Variants in SYNPO2 observed in about 807,000 individuals in gnomAD.
The protein encoded by SYNPO2 is synaptopodin-2.
In SYNPO2, 56 loss-of-function variants were observed where a neutral mutation model predicts 85.0. The observed-to-expected ratio is 0.66, with a 90% CI of 0.53 to 0.82. The LOEUF (loss-of-function observed/expected upper bound fraction) is 0.82. Among genes scored for constraint, SYNPO2 ranks in the 40% least tolerant of loss-of-function variants. SYNPO2 has a pLI of 0.00. For missense variants in SYNPO2, 1,575 were observed against 1,534.2 expected (o/e 1.03, Z -0.44); for synonymous variants, 602 against 591.1 (o/e 1.02, Z -0.27).
intron 1 of SYNPO2, among the ~76,000 whole-genome samples, chr4:118,956,099 G>A (rs565720958): frequency 1.3e-5 from 2 of 152,240 alleles, no homozygotes; most frequent in East Asian, 3.9e-4. Flanking sequence ...CAGTTAGATG[G>A]AATCCAAAGA....
At position 118,907,531 on chromosome 4, in the gene SYNPO2, T is replaced by C. The variant is rs562493707; in HGVS notation, c.105+18390T>C. On this transcript the variant is annotated intron_variant, in intron 1 of 4. Transcript: ENST00000307142. ...TCCTTAAACCGCTCATTTGGGTAAA[T>C]ATGTCAAAGAGAAAAAGGAGTCATT... is the stretch of plus-strand genomic sequence containing the variant. Among the ~76,000 whole-genome samples, 224 of 152,318 alleles carry C rather than the reference T, an allele frequency of 1.5e-3. 1 individual carries two copies. Among genetic ancestry groups the C allele is most frequent in the African/African-American group, 5.2e-3 (218 of 41,572 alleles).
At chr4:119,053,294 A>T (rs1364905958) in intron 4 of SYNPO2, among the ~76,000 whole-genome samples, 1 of 152,226 alleles carries the variant, frequency 6.6e-6, no homozygotes, top group Non-Finnish European at 1.5e-5. Flanking sequence ...AGAGGCTTGC[A>T]ATATTTTGGA....
intron 1 of SYNPO2, among the ~76,000 whole-genome samples, chr4:118,985,191 G>A (rs1285533811): frequency 1.5e-4 from 6 of 40,450 alleles, no homozygotes; most frequent in Admixed American, 1.3e-3. Context: ...GATGTAGCAG[G>A]GTTTGGGGGA....
intron 1 of SYNPO2, among the ~76,000 whole-genome samples, chr4:118,864,254 G>A (rs558616066): frequency 1.3e-5 from 2 of 152,194 alleles, no homozygotes; most frequent in African/African-American, 4.8e-5. Context: ...CCATGTGTTT[G>A]TACAGTTTCT....
At chr4:118,977,422 A>G (rs1004286376) in intron 1 of SYNPO2, among the ~76,000 whole-genome samples, 8 of 152,288 alleles carry the variant, frequency 5.3e-5, no homozygotes, top group Middle Eastern at 6.8e-3. Context: ...GTTCCCGCTC[A>G]CGCCTCTCCC....
At chr4:118,902,459 C>T (rs1002368276) in intron 1 of SYNPO2, among the ~76,000 whole-genome samples, 1 of 152,120 alleles carries the variant, frequency 6.6e-6, no homozygotes, top group African/African-American at 2.4e-5. Context: ...AAAGGGGTTT[C>T]CCCTTATAAA....
rs770223146 is a variant in SYNPO2, at chr4:119,027,031, C to A, written c.662C>A (p.Ala221Asp). 6.2e-7 allele frequency: 1 copy of A among 1,614,098 alleles called. No individual in the cohort carries two copies. Among genetic ancestry groups the A allele is most frequent in the Admixed American group, 1.7e-5 (1 of 60,020 alleles). Residue 221 changes from alanine to aspartate, a missense_variant, in exon 3 of 5, where the codon GCT (alanine) becomes GAT (aspartate). By Grantham distance (126) the Ala-to-Asp change is moderately radical (BLOSUM62 -2). Around this residue, in one of 3 missense-constraint regions of SYNPO2, gnomAD observed 1,508 missense variants for 1,446.8 expected, o/e 1.04. Transcript: ENST00000307142. ...GGCCCTTTAGTGGCTCTCCCGGGAG[C>A]TGAAAAATCTAAGTCTCCTGACCCA... ...ASGPLVALPG[A>D]EKSKSPDPDP...
intron 1 of SYNPO2, among the ~76,000 whole-genome samples, chr4:118,856,464 T>C (rs1341558525): frequency 6.6e-6 from 1 of 152,222 alleles, no homozygotes; most frequent in Non-Finnish European, 1.5e-5. Context: ...TATAGTGGAA[T>C]GCACATAAAT....
At chr4:118,900,701 C>CTATATA (rs1194269230) in intron 1 of SYNPO2, among the ~76,000 whole-genome samples, 293 of 27,162 alleles carry the variant, frequency 0.011, 1 homozygote, top group Non-Finnish European at 0.019. Context: ...CTCTCTCTCT[C>CTATATA]TCTATATATA....
intron 1 of SYNPO2, among the ~76,000 whole-genome samples, chr4:118,892,779 A>G (rs1732420484): frequency 6.6e-6 from 1 of 152,176 alleles, no homozygotes; most frequent in South Asian, 2.1e-4. Context: ...TACTGAATTT[A>G]GTTCAAAGTT....
At chr4:119,004,359 A>C (rs944108783) in intron 1 of SYNPO2, among the ~76,000 whole-genome samples, 1 of 150,816 alleles carries the variant, frequency 6.6e-6, no homozygotes. Flanking sequence ...TATATCTCCT[A>C]ATGCTATCCC....
At chr4:118,917,680 A>G (rs1733397577) in intron 1 of SYNPO2, among the ~76,000 whole-genome samples, 1 of 152,106 alleles carries the variant, frequency 6.6e-6, no homozygotes, top group South Asian at 2.1e-4. Context: ...GTCCCTTATT[A>G]TATGTGACTT....
chr4:118,976,999 C>G (rs1242553462), intron 1 of SYNPO2, among the ~76,000 whole-genome samples: 1 of 152,248 alleles, frequency 6.6e-6, no homozygotes, highest in Non-Finnish European at 1.5e-5. Context: ...TAGAGGATCC[C>G]GCACCGGGGC....
intron 1 of SYNPO2, among the ~76,000 whole-genome samples, chr4:118,979,958 T>C (rs1262301453): frequency 1.3e-5 from 2 of 152,238 alleles, no homozygotes; most frequent in Non-Finnish European, 2.9e-5. Context: ...GAAAGGAGAC[T>C]GGATCTCAAC....
chr4:119,027,219 G>T lies in SYNPO2; in HGVS notation c.850G>T (p.Val284Leu). The T allele has an allele frequency of 6.2e-7, 1 of 1,614,178 alleles. No individual in the cohort carries two copies. The highest frequency in any genetic ancestry group is 2.2e-5 in the East Asian group (1 of 44,864). ...SEAGDAGLPRVEVILDCSDRQ... is the reference protein window; with the variant it reads ...SEAGDAGLPRLEVILDCSDRQ... ...AGCAGGAGATGCGGGACTGCCCCGG[G>T]TGGAAGTGATCCTCGACTGCTCTGA... The change falls in exon 3 of 5, where the codon GTG becomes TTG. Residue 284 changes from valine (V) to leucine (L), a missense_variant. Coordinates refer to ENST00000307142, the MANE Select transcript of SYNPO2 (RefSeq NM_133477.3).
intron 1 of SYNPO2, among the ~76,000 whole-genome samples, chr4:118,965,700 T>C (rs1735286713): frequency 6.6e-6 from 1 of 152,158 alleles, no homozygotes; most frequent in South Asian, 2.1e-4. Context: ...GGCACTATTA[T>C]CGGTGCTGGA....
chr4:118,883,388 C>T (rs1578517643), intron 1 of SYNPO2, among the ~76,000 whole-genome samples: 1 of 152,112 alleles, frequency 6.6e-6, no homozygotes. Flanking sequence ...AAAAGAGGCA[C>T]AAGCCAGGCA....
chr4:118,897,200 C>T (rs941690886), intron 1 of SYNPO2, among the ~76,000 whole-genome samples: 2 of 151,978 alleles, frequency 1.3e-5, no homozygotes, highest in Non-Finnish European at 2.9e-5. Flanking sequence ...AAGAGTGAGT[C>T]GGGGACTGCC....
chr4:119,033,395 T>G, intron 4 of SYNPO2: 1 of 985,422 alleles, frequency 1.0e-6, no homozygotes, highest in Non-Finnish European at 1.2e-6. Flanking sequence ...CCACACACCA[T>G]GTTGTCACCC....
Sources: gnomAD v4.1 joint callset for allele counts (sites outside exome capture counted in the v4.1 genomes callset) on GRCh38, gnomAD v4.1.1 for gene constraint, gnomAD v4.1.1 regional missense constraint, MANE v1.5 for transcripts, NCBI Gene and HGNC (gene_info 2026-07-23, HGNC 2026-07-21) for gene names.